Variants in SLC25A21 observed in about 807,000 individuals in gnomAD.
SLC25A21 encodes the protein mitochondrial 2-oxodicarboxylate carrier.
In SLC25A21, 47 loss-of-function variants were observed where a neutral mutation model predicts 43.8. The observed-to-expected ratio is 1.07, with a 90% confidence interval of 0.85 to 1.37. SLC25A21 has a LOEUF of 1.37. Ranked by LOEUF, SLC25A21 falls within the 40% of genes most tolerant of loss-of-function variation. SLC25A21 has a pLI of 0.00. For missense variants in SLC25A21, 352 were observed against 350.2 expected, an observed-to-expected ratio of 1.00 and a Z score of -0.04; for synonymous variants, 131 against 121.3, an observed-to-expected ratio of 1.08 and a Z score of -0.52.
chr14:36,889,441 A>G (rs1469317877), intron 1 of SLC25A21, among the ~76,000 whole-genome samples: 1 of 152,208 alleles, frequency 6.6e-6, no homozygotes, highest in Non-Finnish European at 1.5e-5. Flanking sequence ...TTGTAATAAC[A>G]TTGAATACAT....
chr14:36,726,441 T>TAA lies in SLC25A21; in HGVS notation c.331-766_331-765dup, dbSNP rs56038928. Reference sequence around the variant, plus strand: ...GAGTGAGACCCTGTCTCAAATAAAATAAAAAAAAAAAGAAGAAGAAGAAGA... The same window carrying TAA: ...GAGTGAGACCCTGTCTCAAATAAAATAAAAAAAAAAAAAGAAGAAGAAGAAGA... On this transcript the variant is annotated intron_variant, in intron 5 of 9. Coordinates refer to ENST00000331299, the MANE Select transcript of SLC25A21 (RefSeq NM_030631.4). Among the ~76,000 whole-genome samples, 63 of 103,896 alleles carry TAA rather than the reference T, an allele frequency of 6.1e-4. 1 individual carries two copies. The highest frequency in any genetic ancestry group is 5.0e-3 in the Middle Eastern group (1 of 202). The allele number at this position is 103,896 out of a possible 152,430, so 68.2% of individuals were successfully genotyped here.
intron 6 of SLC25A21, among the ~76,000 whole-genome samples, chr14:36,723,920 TC>T (rs1884476121): frequency 7.8e-6 from 1 of 128,686 alleles, no homozygotes; most frequent in East Asian, 2.1e-4. Flanking sequence ...AAGACAAGCT[TC>T]CCAAGGGGTA....
At chr14:36,793,583 T>C (rs1167222352) in intron 3 of SLC25A21, among the ~76,000 whole-genome samples, 4 of 150,162 alleles carry the variant, frequency 2.7e-5, no homozygotes, top group Non-Finnish European at 5.9e-5. Context: ...CTCATACATG[T>C]CATGTTATTT....
intron 1 of SLC25A21, among the ~76,000 whole-genome samples, chr14:37,152,595 G>A (rs903667265): frequency 1.3e-5 from 2 of 151,986 alleles, no homozygotes; most frequent in African/African-American, 2.4e-5. Context: ...CCTGCAGAGC[G>A]CAGAGAAGTC....
intron 1 of SLC25A21, among the ~76,000 whole-genome samples, chr14:36,893,422 C>T (rs928667790): frequency 2.6e-5 from 4 of 152,038 alleles, no homozygotes; most frequent in Admixed American, 1.3e-4. Flanking sequence ...TGTTTGAGTT[C>T]ATTGAAGATT....
intron 7 of SLC25A21, among the ~76,000 whole-genome samples, chr14:36,698,156 T>G (rs1883121960): frequency 6.6e-6 from 1 of 152,202 alleles, no homozygotes; most frequent in Non-Finnish European, 1.5e-5. Context: ...AGTATTTTAT[T>G]TCTCCTTCAG....
intron 2 of SLC25A21, among the ~76,000 whole-genome samples, chr14:36,827,221 G>A (rs1225153691): frequency 1.3e-5 from 2 of 152,182 alleles, no homozygotes; most frequent in Non-Finnish European, 2.9e-5. Flanking sequence ...TTTGACAAAA[G>A]TATGAAAATG....
rs536638498 is a variant in SLC25A21 at position 36,856,185 on chromosome 14, G to A, written c.119+18771C>T. Among the ~76,000 whole-genome samples, 10 of 152,234 alleles carry A rather than the reference G, an allele frequency of 6.6e-5. No individual in the cohort carries two copies. The South Asian group carries it at 1.2e-3, about 19-fold the overall frequency. ...CTGGTGTCTTTGAACACAAATCCTC[G>A]CTCCTGAGGCAGGAATGTTTACTGA... is the stretch of plus-strand genomic sequence containing the variant. On this transcript the variant is annotated intron_variant, in intron 2 of 9. Transcript: ENST00000331299.
At chr14:36,755,768 T>C (rs1367777028) in intron 3 of SLC25A21, among the ~76,000 whole-genome samples, 2 of 152,206 alleles carry the variant, frequency 1.3e-5, no homozygotes, top group African/African-American at 4.8e-5. Flanking sequence ...TTAATTGATA[T>C]CTTTCTTACT....
chr14:37,153,207 C>T (rs1331464880), intron 1 of SLC25A21, among the ~76,000 whole-genome samples: 1 of 152,168 alleles, frequency 6.6e-6, no homozygotes, highest in Non-Finnish European at 1.5e-5. Flanking sequence ...GAGGGAGCTC[C>T]CACACCATTT....
chr14:36,794,062 A>G (rs1887587223), intron 3 of SLC25A21, among the ~76,000 whole-genome samples: 1 of 152,238 alleles, frequency 6.6e-6, no homozygotes, highest in Non-Finnish European at 1.5e-5. Context: ...AATGGAAAAT[A>G]CATAGTTAAC....
At chr14:36,746,484 C>T (rs987992667) in intron 3 of SLC25A21, among the ~76,000 whole-genome samples, 2 of 152,106 alleles carry the variant, frequency 1.3e-5, no homozygotes, top group African/African-American at 4.8e-5. Context: ...GAAAACAATA[C>T]CACCTACTGG....
At chr14:37,114,203 T>C (rs1255175983) in intron 1 of SLC25A21, among the ~76,000 whole-genome samples, 1 of 152,174 alleles carries the variant, frequency 6.6e-6, no homozygotes, top group Non-Finnish European at 1.5e-5. Flanking sequence ...TCTAAATATA[T>C]TGGCATTTGT....
intron 3 of SLC25A21, among the ~76,000 whole-genome samples, chr14:36,813,175 A>G (rs1403304979): frequency 1.3e-5 from 2 of 152,108 alleles, no homozygotes; most frequent in Admixed American, 1.3e-4. Flanking sequence ...TCAGCCAGTC[A>G]TCTACATTAG....
At chr14:37,171,568 T>C (rs1002660695) in intron 1 of SLC25A21, among the ~76,000 whole-genome samples, 3 of 152,214 alleles carry the variant, frequency 2.0e-5, no homozygotes, top group African/African-American at 7.2e-5. Flanking sequence ...TCATAATTTA[T>C]ATTTTAAAAT....
At chr14:37,134,036 G>A (rs1963436216) in intron 1 of SLC25A21, among the ~76,000 whole-genome samples, 1 of 152,088 alleles carries the variant, frequency 6.6e-6, no homozygotes, top group Non-Finnish European at 1.5e-5. Flanking sequence ...GTGAAGACCT[G>A]AGAAACATCC....
chr14:36,858,289 T>C (rs1889962458), intron 2 of SLC25A21, among the ~76,000 whole-genome samples: 1 of 152,084 alleles, frequency 6.6e-6, no homozygotes, highest in Non-Finnish European at 1.5e-5. Flanking sequence ...GGCCAAAGAA[T>C]TGCCTCAGAA....
chr14:36,928,882 A>G (rs955662566), intron 1 of SLC25A21, among the ~76,000 whole-genome samples: 2 of 152,158 alleles, frequency 1.3e-5, no homozygotes, highest in Non-Finnish European at 2.9e-5. Context: ...ATAAGCATCA[A>G]TAGTACTTAA....
intron 7 of SLC25A21, among the ~76,000 whole-genome samples, chr14:36,706,353 A>T (rs1883564668): frequency 6.6e-6 from 1 of 152,196 alleles, no homozygotes; most frequent in Non-Finnish European, 1.5e-5. Context: ...CAATTTACAG[A>T]TTCCAAAAAC....
Sources: gnomAD v4.1 joint callset for allele counts (sites outside exome capture counted in the v4.1 genomes callset) on GRCh38, gnomAD v4.1.1 for gene constraint, MANE v1.5 for transcripts, NCBI Gene and HGNC (gene_info 2026-07-23, HGNC 2026-07-21) for gene names.